The following GPHN variants were observed in gnomAD, a reference collection of about 807,000 sequenced individuals.
The protein encoded by GPHN is gephyrin.
In GPHN, 17 loss-of-function variants were observed where a neutral mutation model predicts 95.5. That is an observed-to-expected ratio of 0.18 (90% CI 0.12 to 0.27). The LOEUF (loss-of-function observed/expected upper bound fraction) is 0.27. Among genes scored for constraint, GPHN ranks in the 10% least tolerant of loss-of-function variants. The pLI is 1.00. For synonymous variants in GPHN, 320 were observed against 322.5 expected, an observed-to-expected ratio of 0.99 and a Z score of 0.08; for missense variants, 660 against 978.1, an observed-to-expected ratio of 0.67 and a Z score of 4.34.
the GPHN span, among the ~76,000 whole-genome samples, chr14:67,494,807 C>G: frequency 6.6e-6 from 1 of 152,252 alleles, no homozygotes. Flanking sequence ...ACAGAAGAAG[C>G]ACCAAATTTT....
At chr14:66,547,193 G>A (rs914211780) in intron 1 of GPHN, among the ~76,000 whole-genome samples, 14 of 151,842 alleles carry the variant, frequency 9.2e-5, no homozygotes, top group Admixed American at 3.3e-4. Context: ...TTTGTAGATG[G>A]GTGAAAAATT....
chr14:66,748,187 T>C (rs1047404347), intron 2 of GPHN, among the ~76,000 whole-genome samples: 4 of 152,194 alleles, frequency 2.6e-5, no homozygotes, highest in Middle Eastern at 3.4e-3. Context: ...ATAGGTTAAT[T>C]ACCCCATTAC....
At chr14:67,307,909 A>T in the GPHN span, among the ~76,000 whole-genome samples, 3 of 152,190 alleles carry the variant, frequency 2.0e-5, no homozygotes, top group Admixed American at 6.5e-5. Flanking sequence ...GCCATAAAAA[A>T]ATGAGATCAT....
the GPHN span, among the ~76,000 whole-genome samples, chr14:67,715,665 C>A: frequency 0.014 from 2,186 of 152,290 alleles, 29 homozygotes; most frequent in Non-Finnish European, 0.022. Context: ...TTGTAAGTAT[C>A]TTCTGAAGGA....
chr14:67,034,703 G>C (rs1380856016), intron 10 of GPHN, among the ~76,000 whole-genome samples: 1 of 151,982 alleles, frequency 6.6e-6, no homozygotes, highest in African/African-American at 2.4e-5. Context: ...AGACAAAGAA[G>C]AATATTATAC....
chr14:67,327,482 ATTTTATTT>A, the GPHN span, among the ~76,000 whole-genome samples: 26 of 149,526 alleles, frequency 1.7e-4, no homozygotes, highest in African/African-American at 4.4e-4. Context: ...ATGTATTTTT[ATTTTATTT>A]TTTTATTTTT....
the GPHN span, among the ~76,000 whole-genome samples, chr14:67,719,396 T>C: frequency 4.8e-4 from 73 of 152,350 alleles, no homozygotes; most frequent in African/African-American, 1.7e-3. Flanking sequence ...TAAGACCTTT[T>C]CCAAGCAGTT....
At chr14:67,574,228 C>A in the GPHN span, 1 of 1,578,572 alleles carries the variant, frequency 6.3e-7, no homozygotes, top group African/African-American at 1.4e-5. The surrounding 1 kb of genome is among the most constrained non-coding windows in gnomAD (Gnocchi z 4.2). Context: ...ACCCCCATAT[C>A]TCGCCCTCCA....
At chr14:67,199,990 C>A in the GPHN span, 1 of 1,079,418 alleles carries the variant, frequency 9.3e-7, no homozygotes, top group Non-Finnish European at 1.3e-6. Flanking sequence ...TCAGATGCAG[C>A]TGGCACACCA....
chr14:66,977,975 G>T (rs1261662406), intron 9 of GPHN, among the ~76,000 whole-genome samples: 1 of 152,068 alleles, frequency 6.6e-6, no homozygotes, highest in Admixed American at 6.6e-5. Context: ...AGCAAAAATT[G>T]CAATAAAGTG....
chr14:67,392,739 C>A, the GPHN span: 3 of 1,614,170 alleles, frequency 1.9e-6, no homozygotes, highest in Non-Finnish European at 2.5e-6. Context: ...ATGCTTCGGA[C>A]ACCCACAGGC....
At chr14:67,210,074 C>A in the GPHN span, among the ~76,000 whole-genome samples, 1 of 152,178 alleles carries the variant, frequency 6.6e-6, no homozygotes, top group Non-Finnish European at 1.5e-5. Flanking sequence ...GTTGTCAATT[C>A]AATTCACACC....
chr14:67,009,830 C>G (rs1259643087), intron 9 of GPHN, among the ~76,000 whole-genome samples: 1 of 152,036 alleles, frequency 6.6e-6, no homozygotes, highest in African/African-American at 2.4e-5. Flanking sequence ...GCAATCTCAG[C>G]TCACTGCAAC....
chr14:66,969,282 T>G lies in GPHN; in HGVS notation c.963+3957T>G, dbSNP rs552735257. On this transcript the variant is annotated intron_variant, in intron 9 of 22. Transcript: ENST00000478722. ...ACAAAGTTGGGATATTTGACTTTCA[T>G]TGTCCTGAGTAAAATAGTGCCTAAG... The G allele has an allele frequency of 7.2e-5, 11 of 152,336 alleles. No homozygotes were observed. In the East Asian group the frequency reaches 2.1e-3, roughly 29 times the overall value. The allele number at this position is 152,336 out of a possible 1,614,324, so 9.4% of individuals were successfully genotyped here. A position where few individuals can be genotyped will look rare whatever the true frequency, so the allele number is the denominator to read the frequency against.
At chr14:67,346,484 G>C in the GPHN span, among the ~76,000 whole-genome samples, 1 of 152,100 alleles carries the variant, frequency 6.6e-6, no homozygotes, top group Non-Finnish European at 1.5e-5. Context: ...GCTAATTTTT[G>C]TAACTTTTTG....
chr14:66,536,286 T>G (rs1423636624), intron 1 of GPHN, among the ~76,000 whole-genome samples: 1 of 152,144 alleles, frequency 6.6e-6, no homozygotes, highest in Non-Finnish European at 1.5e-5. Context: ...GTGGTAAACT[T>G]TGTCAAATTT....
chr14:67,343,186 T>C, the GPHN span, among the ~76,000 whole-genome samples: 2 of 152,204 alleles, frequency 1.3e-5, no homozygotes, highest in African/African-American at 2.4e-5. Context: ...ATACAAGTAC[T>C]TCTATCAGAA....
intron 1 of GPHN, among the ~76,000 whole-genome samples, chr14:66,592,021 A>G (rs4542007): frequency 6.6e-6 from 1 of 152,200 alleles, no homozygotes; most frequent in Admixed American, 6.5e-5. Flanking sequence ...CAGCCATCTT[A>G]TCTTTGGCAA....
the GPHN span, among the ~76,000 whole-genome samples, chr14:67,668,714 C>A: frequency 6.6e-6 from 1 of 152,198 alleles, no homozygotes; most frequent in East Asian, 1.9e-4. Context: ...TCACACTTAG[C>A]CTTCATCAGA....
Sources: gnomAD v4.1 joint callset for allele counts (sites outside exome capture counted in the v4.1 genomes callset) on GRCh38, gnomAD v4.1.1 for gene constraint, Gnocchi (gnomAD v3.1) non-coding constraint, MANE v1.5 for transcripts, NCBI Gene and HGNC (gene_info 2026-07-23, HGNC 2026-07-21) for gene names.